Variants in RABGAP1L observed in about 807,000 individuals in gnomAD.
The protein encoded by RABGAP1L is rab GTPase-activating protein 1-like.
A neutral mutation model predicts 137.7 loss-of-function variants in RABGAP1L; 63 were observed. The observed-to-expected ratio is 0.46, with a 90% CI of 0.37 to 0.56. The LOEUF (loss-of-function observed/expected upper bound fraction) is 0.56. Ranked by LOEUF, RABGAP1L falls within the 20% of genes least tolerant of loss-of-function variation. The pLI is 0.00. For synonymous variants in RABGAP1L, 431 were observed against 433.7 expected (o/e 0.99, Z 0.08); for missense variants, 1,095 against 1,244.0 (o/e 0.88, Z 1.80).
chr1:174,540,032 T>A (rs893862810), intron 13 of RABGAP1L, among the ~76,000 whole-genome samples: 3 of 152,240 alleles, frequency 2.0e-5, no homozygotes, highest in African/African-American at 7.2e-5. Context: ...TTTGCATTTC[T>A]CTGATTGCCA....
At chr1:174,724,374 GT>G (rs1681816388) in intron 17 of RABGAP1L, among the ~76,000 whole-genome samples, 1 of 152,296 alleles carries the variant, frequency 6.6e-6, no homozygotes. Flanking sequence ...ATTGAAAGGA[GT>G]GAAAAAGTGG....
At chr1:174,886,063 G>T (rs1655066925) in intron 19 of RABGAP1L, among the ~76,000 whole-genome samples, 1 of 149,868 alleles carries the variant, frequency 6.7e-6, no homozygotes, top group African/African-American at 2.5e-5. Flanking sequence ...GCCCACGCTG[G>T]AGTACAATGG....
intron 12 of RABGAP1L, among the ~76,000 whole-genome samples, chr1:174,383,673 G>C (rs1006053186): frequency 6.6e-6 from 1 of 151,610 alleles, no homozygotes; most frequent in African/African-American, 2.4e-5. Flanking sequence ...GCACCCACTG[G>C]CCTGCACCCA....
Position 174,756,830 on chromosome 1 carries a change from T to G in RABGAP1L, c.2211+4476T>G. 8.8e-6 allele frequency: 5 copies of G among 567,966 alleles called. No homozygotes were observed. The Admixed American group carries it at 9.8e-5, about 11-fold the overall frequency. 35.2% of individuals were successfully genotyped at this position (567,966 alleles called of 1,614,324 possible). A position where few individuals can be genotyped will look rare whatever the true frequency, so the allele number is the denominator to read the frequency against. On this transcript the variant is annotated intron_variant, in intron 18 of 25. Transcript: ENST00000681986. ...CAAACTCCGGATGAGGGCTGGGGAT[T>G]GAGGGCTTCCCAGAAAGCATCACAA...
chr1:174,792,260 G>C (rs1687915580), intron 18 of RABGAP1L, among the ~76,000 whole-genome samples: 2 of 152,184 alleles, frequency 1.3e-5, no homozygotes, highest in Non-Finnish European at 1.5e-5. Flanking sequence ...GTTATATCTA[G>C]AGTATCTGTT....
intron 7 of RABGAP1L, among the ~76,000 whole-genome samples, chr1:174,256,299 G>A (rs1381314652): frequency 6.6e-6 from 1 of 152,054 alleles, no homozygotes; most frequent in Non-Finnish European, 1.5e-5. Flanking sequence ...ATATATTGCT[G>A]CATAGTTTAT....
intron 1 of RABGAP1L, among the ~76,000 whole-genome samples, chr1:174,202,421 A>G (rs533321989): frequency 6.6e-6 from 1 of 152,226 alleles, no homozygotes; most frequent in South Asian, 2.1e-4. Flanking sequence ...GCATTTTTTA[A>G]TGTGGTTTTT....
At chr1:174,897,373 A>G (rs1383488667) in intron 19 of RABGAP1L, 2 of 152,194 alleles carry the variant, frequency 1.3e-5, no homozygotes, top group East Asian at 3.8e-4. Flanking sequence ...TAATCTATGT[A>G]GTAGTTGCTT....
chr1:174,873,183 C>A (rs1346360934), intron 19 of RABGAP1L, among the ~76,000 whole-genome samples: 3 of 151,420 alleles, frequency 2.0e-5, no homozygotes, highest in African/African-American at 7.3e-5. Flanking sequence ...ATTCTCCTGC[C>A]TCAGCCTCCA....
At chr1:174,679,245 G>A (rs536870125) in intron 14 of RABGAP1L, among the ~76,000 whole-genome samples, 1 of 152,154 alleles carries the variant, frequency 6.6e-6, no homozygotes, top group Non-Finnish European at 1.5e-5. Context: ...TAAGCTGCAA[G>A]CCCCGTGTTT....
At chr1:174,306,147 C>T (rs1011881072) in intron 11 of RABGAP1L, among the ~76,000 whole-genome samples, 5 of 152,194 alleles carry the variant, frequency 3.3e-5, no homozygotes, top group African/African-American at 9.7e-5. Context: ...GCCACATTTT[C>T]GTAATCCAGT....
intron 13 of RABGAP1L, among the ~76,000 whole-genome samples, chr1:174,535,986 G>T (rs1002576938): frequency 6.6e-6 from 1 of 152,110 alleles, no homozygotes; most frequent in African/African-American, 2.4e-5. Flanking sequence ...GTGAAGATTT[G>T]TGAAATGAAT....
At chr1:174,800,613 A>G (rs1688673411) in intron 18 of RABGAP1L, 3 of 1,435,176 alleles carry the variant, frequency 2.1e-6, no homozygotes, top group Admixed American at 5.0e-5. Flanking sequence ...CCTTCTCCCC[A>G]TTCTGCCGAG....
At chr1:174,963,576 TACCTGACACTAATA>T (rs1574024891) in intron 20 of RABGAP1L, among the ~76,000 whole-genome samples, 2 of 151,828 alleles carry the variant, frequency 1.3e-5, no homozygotes, top group East Asian at 3.8e-4. Flanking sequence ...CTGAGAAAAT[TACCTGACACTAATA>T]TGTTTCTATA....
intron 13 of RABGAP1L, among the ~76,000 whole-genome samples, chr1:174,474,129 A>G (rs1407150391): frequency 1.3e-5 from 2 of 152,212 alleles, no homozygotes; most frequent in Non-Finnish European, 2.9e-5. Flanking sequence ...ATCCTAGTAT[A>G]TAGTAGGTAG....
chr1:174,475,859 T>C (rs1020030022), intron 13 of RABGAP1L, among the ~76,000 whole-genome samples: 6 of 150,474 alleles, frequency 4.0e-5, no homozygotes, highest in Middle Eastern at 7.0e-3. Flanking sequence ...TAATTGAAAG[T>C]ATAAACCTAA....
intron 13 of RABGAP1L, among the ~76,000 whole-genome samples, chr1:174,566,862 G>A (rs1320856987): frequency 6.6e-6 from 1 of 152,066 alleles, no homozygotes; most frequent in African/African-American, 2.4e-5. Context: ...GGTTTGAAAA[G>A]AGTATGAAAC....
Position 174,761,430 on chromosome 1 carries a change from T to G in RABGAP1L, c.2211+9076T>G, listed in dbSNP as rs928200450. Among the ~76,000 whole-genome samples, 2 of 151,590 alleles carry G rather than the reference T, an allele frequency of 1.3e-5. No individual in the cohort carries two copies. Among genetic ancestry groups the G allele is most frequent in the African/African-American group, 4.9e-5 (2 of 41,210 alleles). Reference sequence around the variant, plus strand: ...GGGTGGCACGGCCAGGCAGAGGCGCTCCTCAGTTTTCAGACGGTGCAGCCG... The same window carrying G: ...GGGTGGCACGGCCAGGCAGAGGCGCGCCTCAGTTTTCAGACGGTGCAGCCG... On this transcript the variant is annotated intron_variant, in intron 18 of 25. Transcript: ENST00000681986. This position sits in a 1 kb window ranked among gnomAD's most constrained non-coding sequence, Gnocchi z 4.0.
Position 174,884,454 on chromosome 1 carries a change from CAATT to C in RABGAP1L, c.2340+72497_2340+72500del, listed in dbSNP as rs780059187. On this transcript the variant is annotated intron_variant, in intron 19 of 25. Transcript: ENST00000681986. ...CAAATATTGATTAGAATAAACATAA[CAATT>C]AAGATTCATCCATATTTTTTAAAAA... Among the ~76,000 whole-genome samples the C allele has an allele frequency of 3.9e-5, 6 of 152,128 alleles. No individual in the cohort carries two copies. The South Asian group carries it at 6.2e-4, about 16-fold the overall frequency.
Sources: allele counts gnomAD v4.1 joint callset (sites outside exome capture counted in the v4.1 genomes callset), GRCh38; gene constraint gnomAD v4.1.1; non-coding constraint Gnocchi (gnomAD v3.1); transcripts MANE v1.5; gene names NCBI Gene and HGNC (gene_info 2026-07-23, HGNC 2026-07-21).